The following CTNNA2 variants were observed in gnomAD, a reference collection of about 807,000 sequenced individuals.
CTNNA2 encodes the protein catenin alpha 2, also known as catenin alpha-2.
A neutral mutation model predicts 101.0 loss-of-function variants in CTNNA2; 42 were observed. The observed-to-expected ratio is 0.42, with a 90% CI of 0.32 to 0.54. The LOEUF is 0.54. Ranked by LOEUF, CTNNA2 falls within the 20% of genes least tolerant of loss-of-function variation. The pLI is 0.14. For synonymous variants in CTNNA2, 450 were observed against 456.4 expected (o/e 0.99, Z 0.18); for missense variants, 871 against 1,223.1 (o/e 0.71, Z 4.29).
intron 14 of CTNNA2, among the ~76,000 whole-genome samples, chr2:80,582,935 T>C (rs973184250): frequency 6.6e-6 from 1 of 152,132 alleles, no homozygotes; most frequent in African/African-American, 2.4e-5. Flanking sequence ...ACCCAGTTTC[T>C]CTTATGTGCT....
At chr2:80,227,458 C>T (rs756783776) in intron 7 of CTNNA2, among the ~76,000 whole-genome samples, 21 of 152,188 alleles carry the variant, frequency 1.4e-4, no homozygotes, top group South Asian at 2.1e-4. Flanking sequence ...TTTTGTCTCA[C>T]GTTACAATCC....
intron 1 of CTNNA2, among the ~76,000 whole-genome samples, chr2:79,518,404 C>T (rs1671920081): frequency 6.6e-6 from 1 of 152,178 alleles, no homozygotes; most frequent in Admixed American, 6.5e-5. Flanking sequence ...GCCACAGAGC[C>T]ATAATAGAAA....
At chr2:79,448,910 A>G (rs1435026017) in intron 4 of CTNNA2, among the ~76,000 whole-genome samples, 2 of 152,078 alleles carry the variant, frequency 1.3e-5, no homozygotes, top group Non-Finnish European at 2.9e-5. Flanking sequence ...GTTTATGTGC[A>G]TGAACAATCA....
intron 2 of CTNNA2, among the ~76,000 whole-genome samples, chr2:79,307,918 A>G (rs570453584): frequency 1.6e-4 from 24 of 152,314 alleles, no homozygotes; most frequent in Non-Finnish European, 2.6e-4. Flanking sequence ...TAACTGGTGT[A>G]AAATGACACT....
intron 9 of CTNNA2, among the ~76,000 whole-genome samples, chr2:80,511,913 A>T (rs1403185274): frequency 6.6e-6 from 1 of 152,006 alleles, no homozygotes; most frequent in Non-Finnish European, 1.5e-5. Flanking sequence ...CACTTTGGGC[A>T]GCCAAGGTGG....
At chr2:79,474,603 A>G (rs371382982) in intron 4 of CTNNA2, among the ~76,000 whole-genome samples, 4 of 152,208 alleles carry the variant, frequency 2.6e-5, no homozygotes, top group African/African-American at 7.2e-5. Flanking sequence ...TATCTAAAGT[A>G]GGAAGAGTTA....
intron 2 of CTNNA2, among the ~76,000 whole-genome samples, chr2:79,245,951 C>CA (rs1223708860): frequency 2.0e-5 from 3 of 152,198 alleles, no homozygotes. Flanking sequence ...GAGAGGCCAC[C>CA]AAACCCAGCC....
intron 4 of CTNNA2, among the ~76,000 whole-genome samples, chr2:79,419,885 C>A (rs776432141): frequency 3.3e-5 from 5 of 152,202 alleles, no homozygotes; most frequent in African/African-American, 1.2e-4. Flanking sequence ...ATAACTTTTT[C>A]TTAATTCTTT....
chr2:79,539,093 C>T (rs1673247486), intron 1 of CTNNA2, among the ~76,000 whole-genome samples: 1 of 152,096 alleles, frequency 6.6e-6, no homozygotes, highest in African/African-American at 2.4e-5. Context: ...AAAAGACTAG[C>T]TAGGCAGGCA....
chr2:79,584,750 C>T (rs973164922), intron 1 of CTNNA2, among the ~76,000 whole-genome samples: 9 of 152,048 alleles, frequency 5.9e-5, no homozygotes, highest in Admixed American at 3.3e-4. Context: ...GAACTCCTGA[C>T]CTTAGGTGAT....
At chr2:80,183,245 A>G (rs1198883087) in intron 7 of CTNNA2, among the ~76,000 whole-genome samples, 1 of 152,192 alleles carries the variant, frequency 6.6e-6, no homozygotes, top group African/African-American at 2.4e-5. Flanking sequence ...GATCTTGATT[A>G]GAATGACTGG....
chr2:80,546,764 A>C (rs1166229015), intron 11 of CTNNA2, among the ~76,000 whole-genome samples: 1 of 152,236 alleles, frequency 6.6e-6, no homozygotes, highest in Non-Finnish European at 1.5e-5. Flanking sequence ...CCAGCCAGCA[A>C]ATGGACATTT....
At chr2:79,624,202 G>GT (rs1470699453) in intron 1 of CTNNA2, among the ~76,000 whole-genome samples, 1 of 152,146 alleles carries the variant, frequency 6.6e-6, no homozygotes, top group Non-Finnish European at 1.5e-5. Context: ...AGGATAGACA[G>GT]TTTTAAAGAG....
chr2:79,614,717 A>C (rs1479258733), intron 1 of CTNNA2, among the ~76,000 whole-genome samples: 1 of 152,266 alleles, frequency 6.6e-6, no homozygotes, highest in Non-Finnish European at 1.5e-5. Context: ...TTATCTCTTC[A>C]TATGCAAAAT....
At position 80,352,917 on chromosome 2, in the gene CTNNA2, T is replaced by A. The variant is rs1006403386; in HGVS notation, c.1057-40294T>A. 1.6e-4 allele frequency among the ~76,000 whole-genome samples: 23 copies of A among 146,504 alleles called. No individual in the cohort carries two copies. In the East Asian group the frequency reaches 4.2e-3, roughly 26 times the overall value. On this transcript the variant is annotated intron_variant, in intron 7 of 18. Transcript: ENST00000402739. ...ATTATGTCAGATCAAGAGGTTACTT[T>A]AAAAAAAAAAAATAAAGATTCCAAA...
rs779169912 is a variant in CTNNA2, at chr2:79,744,575, C to T, written c.291C>T (p.Arg97=). ...EELVAAVEDV[R]KQGETMRIAS... ...TGGTGGCTGCTGTAGAGGATGTGCG[C>T]AAACAAGGTAGGCAGAATGATATTA... Residue 97 remains arginine (R), a synonymous_variant, in exon 3 of 19, where the codon CGC becomes CGT. Coordinates refer to ENST00000402739, the MANE Select transcript of CTNNA2 (RefSeq NM_001282597.3). 13 of 1,613,364 alleles carry T rather than the reference C, an allele frequency of 8.1e-6. No individual in the cohort carries two copies. The highest frequency in any genetic ancestry group is 2.2e-5 in the East Asian group (1 of 44,850).
rs541413550 is a variant in CTNNA2, at chr2:79,216,584, T to C, written c.-406+18508T>C. ...GGGGTCGAGTCATGGAAATAAGGGATCAGGGGGTTCTTGTCCCCAGAAAAG... is the reference window on the plus strand; with the variant it reads ...GGGGTCGAGTCATGGAAATAAGGGACCAGGGGGTTCTTGTCCCCAGAAAAG... On this transcript the variant is annotated intron_variant, in intron 2 of 21. Coordinates refer to the CTNNA2 transcript ENST00000466387. 3.7e-3 allele frequency among the ~76,000 whole-genome samples: 545 copies of C among 148,438 alleles called. 2 individuals are homozygous for C. Among genetic ancestry groups the C allele is most frequent in the Non-Finnish European group, 6.9e-3 (469 of 67,498 alleles).
At chr2:80,421,164 AAAT>A (rs1231939384) in intron 9 of CTNNA2, among the ~76,000 whole-genome samples, 3 of 152,192 alleles carry the variant, frequency 2.0e-5, no homozygotes, top group Admixed American at 2.0e-4. Context: ...GAGGAAAAAA[AAAT>A]AATGCTGATG....
At chr2:80,441,435 G>A (rs574156027) in intron 9 of CTNNA2, among the ~76,000 whole-genome samples, 1 of 152,112 alleles carries the variant, frequency 6.6e-6, no homozygotes, top group African/African-American at 2.4e-5. Flanking sequence ...TGACAGTTTT[G>A]TTGTTAGTTT....
Sources: allele counts gnomAD v4.1 joint callset (sites outside exome capture counted in the v4.1 genomes callset), GRCh38; gene constraint gnomAD v4.1.1; transcripts MANE v1.5; gene names NCBI Gene and HGNC (gene_info 2026-07-23, HGNC 2026-07-21).